Variants in SLC12A8 observed in about 807,000 individuals in gnomAD.
SLC12A8 encodes solute carrier family 12 member 8.
Under a neutral mutation model 75.6 loss-of-function variants are expected in SLC12A8, and 69 were observed. The ratio of observed to expected loss-of-function variants is 0.91; its 90% CI spans 0.75 to 1.11. SLC12A8 has a LOEUF of 1.11. Ranked by LOEUF, SLC12A8 falls within the 50% of genes most tolerant of loss-of-function variation. The pLI is 0.00. For missense variants in SLC12A8, 877 were observed against 896.7 expected (o/e 0.98, Z 0.28); for synonymous variants, 365 against 372.8 (o/e 0.98, Z 0.24).
chr3:125,094,700 T>C (rs1938670099), intron 10 of SLC12A8, among the ~76,000 whole-genome samples: 1 of 152,254 alleles, frequency 6.6e-6, no homozygotes, highest in South Asian at 2.1e-4. Context: ...TATTGTCCTA[T>C]TGCTGTCTCT....
At chr3:125,165,306 G>A (rs561335913) in intron 5 of SLC12A8, among the ~76,000 whole-genome samples, 2 of 152,334 alleles carry the variant, frequency 1.3e-5, no homozygotes, top group African/African-American at 4.8e-5. Flanking sequence ...CGCTGTCCTG[G>A]GACGAGCCTT....
At chr3:125,099,671 G>C (rs527622339) in intron 10 of SLC12A8, among the ~76,000 whole-genome samples, 4 of 152,238 alleles carry the variant, frequency 2.6e-5, no homozygotes, top group Non-Finnish European at 4.4e-5. Flanking sequence ...GCTCATGCCT[G>C]TAATCCCAGC....
intron 2 of SLC12A8, among the ~76,000 whole-genome samples, chr3:125,208,789 C>CAGAG (rs1272180422): frequency 1.0e-5 from 1 of 98,444 alleles, no homozygotes; most frequent in South Asian, 3.9e-4. Flanking sequence ...CACACACACA[C>CAGAG]ACAGAGAGAG....
chr3:125,141,209 A>C (rs899652677), intron 5 of SLC12A8, among the ~76,000 whole-genome samples: 5 of 152,148 alleles, frequency 3.3e-5, no homozygotes, highest in African/African-American at 7.2e-5. Context: ...AATGACAACA[A>C]GACCCAGGCA....
At position 125,183,275 on chromosome 3, in the gene SLC12A8, A is replaced by C. The variant is rs533543002; in HGVS notation, c.390+3962T>G. Among the ~76,000 whole-genome samples, 14 of 152,270 alleles carry C rather than the reference A, an allele frequency of 9.2e-5. No individual in the cohort carries two copies. The East Asian group carries it at 2.7e-3, about 29-fold the overall frequency. ...ATGTCTTAAGGGTTTGTTATACGTTAAACGTATTCTATTTCCTCCTAAATC... is the reference window on the plus strand; with the variant it reads ...ATGTCTTAAGGGTTTGTTATACGTTCAACGTATTCTATTTCCTCCTAAATC... On this transcript the variant is annotated intron_variant, in intron 4 of 13. Transcript: ENST00000469902.
intron 6 of SLC12A8, among the ~76,000 whole-genome samples, chr3:125,127,432 C>CGCTT (rs1465374548): frequency 6.6e-6 from 1 of 152,186 alleles, no homozygotes; most frequent in Non-Finnish European, 1.5e-5. Context: ...CGGGGTTTAC[C>CGCTT]GCTTACTGGC....
At chr3:125,187,509 C>T (rs1333395605) in intron 3 of SLC12A8, 81 bp from the exon 4 acceptor site, 11 of 1,304,032 alleles carry the variant, frequency 8.4e-6, no homozygotes, top group African/African-American at 7.3e-5. Context: ...TGACCACCTC[C>T]CCTCCTCCCA....
chr3:125,156,641 G>A (rs1934057643), intron 5 of SLC12A8, among the ~76,000 whole-genome samples: 1 of 152,192 alleles, frequency 6.6e-6, no homozygotes, highest in African/African-American at 2.4e-5. Flanking sequence ...CAATTAAGAG[G>A]CATGTACAAA....
At chr3:125,084,387 C>CT (rs927808612) in intron 13 of SLC12A8, among the ~76,000 whole-genome samples, 19 of 150,346 alleles carry the variant, frequency 1.3e-4, no homozygotes, top group East Asian at 7.9e-4. Flanking sequence ...TTTTCTTTGC[C>CT]TTTTTTTTTG....
chr3:125,163,511 A>C (rs2045529387), intron 5 of SLC12A8, among the ~76,000 whole-genome samples: 1 of 151,078 alleles, frequency 6.6e-6, no homozygotes, highest in South Asian at 2.1e-4. Context: ...AGGCAGGAGA[A>C]TGGTGTGAAC....
Position 125,110,725 on chromosome 3 carries a change from TG to T in SLC12A8, c.913-391del, listed in dbSNP as rs200165419. 459 of 163,392 alleles carry T rather than the reference TG, an allele frequency of 2.8e-3. 2 individuals carry two copies. The highest frequency in any genetic ancestry group is 0.013 in the East Asian group (74 of 5,812). The allele number at this position is 163,392 out of a possible 1,614,324, so 10.1% of individuals were successfully genotyped here. A position where few individuals can be genotyped will look rare whatever the true frequency, so the allele number is the denominator to read the frequency against. On this transcript the variant is annotated intron_variant, in intron 8 of 13. Coordinates refer to ENST00000469902, the MANE Select transcript of SLC12A8 (RefSeq NM_024628.6). ...CAAACTGGCCAACCACAATGCTCATTGGCCTCTTGCCTTTAAGCTCACCCTT... is the reference window on the plus strand; with the variant it reads ...CAAACTGGCCAACCACAATGCTCATTGCCTCTTGCCTTTAAGCTCACCCTT...
At chr3:125,165,299 T>A (rs1373391622) in intron 5 of SLC12A8, among the ~76,000 whole-genome samples, 1 of 152,226 alleles carries the variant, frequency 6.6e-6, no homozygotes, top group Non-Finnish European at 1.5e-5. Context: ...TTGAGCCCGC[T>A]GTCCTGGGAC....
At chr3:125,143,566 G>C (rs1016263066) in intron 5 of SLC12A8, among the ~76,000 whole-genome samples, 2 of 152,256 alleles carry the variant, frequency 1.3e-5, no homozygotes, top group Non-Finnish European at 2.9e-5. Flanking sequence ...AATACACAGA[G>C]GGAGGGCTGG....
chr3:125,155,542 C>T (rs1199695939), intron 5 of SLC12A8, among the ~76,000 whole-genome samples: 3 of 151,114 alleles, frequency 2.0e-5, no homozygotes, highest in Non-Finnish European at 4.4e-5. Flanking sequence ...AAGGCTGAGG[C>T]GGGTGGATCA....
chr3:125,083,154 T>C lies in SLC12A8; in HGVS notation c.*736A>G, dbSNP rs2948818. 17,192 of 152,110 alleles carry C rather than the reference T, an allele frequency of 0.11. 1,028 individuals carry two copies. Among genetic ancestry groups the C allele is most frequent in the East Asian group, 0.22 (1,124 of 5,170 alleles). 9.4% of individuals were successfully genotyped at this position (152,110 alleles called of 1,614,324 possible). A position where few individuals can be genotyped will look rare whatever the true frequency, so the allele number is the denominator to read the frequency against. On this transcript the variant is annotated 3_prime_UTR_variant, in exon 14 of 14. Coordinates refer to ENST00000469902, the MANE Select transcript of SLC12A8 (RefSeq NM_024628.6). ...GGGAGACTTTTCACTCTATATATCT[T>C]TTGGGTGTGGAAACATGTGAGTGTA...
intron 13 of SLC12A8, among the ~76,000 whole-genome samples, chr3:125,084,320 A>T (rs1234966826): frequency 2.0e-5 from 3 of 152,196 alleles, no homozygotes; most frequent in African/African-American, 4.8e-5. Flanking sequence ...CTGATAGGAA[A>T]TAACCAACAA....
chr3:125,190,355 G>A lies in SLC12A8; in HGVS notation c.198+20C>T. ...GTCTTGGGCCCGTGAGAGGCTCCAG[G>A]CCACCAACTCAGCACTCACCACCAG... On this transcript the variant is annotated intron_variant, in intron 3 of 13. Transcript: ENST00000469902. 1 of 1,613,358 alleles carries A rather than the reference G, an allele frequency of 6.2e-7. No homozygotes were observed. The highest frequency in any genetic ancestry group is 1.1e-5 in the South Asian group (1 of 90,922).
In SLC12A8 at chr3:125,211,669, G is replaced by T. The variant is rs374727468; in HGVS notation, c.-45-275C>A. On this transcript the variant is annotated intron_variant, in intron 1 of 13. Transcript: ENST00000469902. ...CCTTCCCTGAGCTCCTTAAATACGTGAGGGTCAGAGCCAGCTGCCCTGCTG... is the reference window on the plus strand; with the variant it reads ...CCTTCCCTGAGCTCCTTAAATACGTTAGGGTCAGAGCCAGCTGCCCTGCTG... Among the ~76,000 whole-genome samples, 29 of 152,236 alleles carry T rather than the reference G, an allele frequency of 1.9e-4. 1 individual carries two copies. In the South Asian group the frequency reaches 3.5e-3, roughly 19 times the overall value.
intron 6 of SLC12A8, among the ~76,000 whole-genome samples, chr3:125,130,131 C>T (rs908965646): frequency 3.3e-5 from 5 of 152,208 alleles, no homozygotes; most frequent in African/African-American, 4.8e-5. Flanking sequence ...TATCATTTTA[C>T]ATTTGAAAGC....
Sources: allele counts gnomAD v4.1 joint callset (sites outside exome capture counted in the v4.1 genomes callset), GRCh38; gene constraint gnomAD v4.1.1; transcripts MANE v1.5; gene names NCBI Gene and HGNC (gene_info 2026-07-23, HGNC 2026-07-21).